NUP133: variants seen among roughly 807,000 people sequenced by gnomAD.
The protein encoded by NUP133 is nuclear pore complex protein Nup133.
In NUP133, 66 loss-of-function variants were observed where a neutral mutation model predicts 146.2. That is an observed-to-expected ratio of 0.45 (90% confidence interval 0.37 to 0.55). The LOEUF (loss-of-function observed/expected upper bound fraction) is 0.55. NUP133 is among the 20% of genes least tolerant of loss of function. NUP133 has a pLI of 0.00. For synonymous variants in NUP133, 521 were observed against 498.8 expected, an observed-to-expected ratio of 1.04 and a Z score of -0.59; for missense variants, 1,277 against 1,374.8, an observed-to-expected ratio of 0.93 and a Z score of 1.12.
chr1:229,472,318 C>CA (rs67522726), intron 14 of NUP133, among the ~76,000 whole-genome samples: 1,332 of 83,330 alleles, frequency 0.016, 16 homozygotes, highest in Admixed American at 0.056. Flanking sequence ...GACTCCGTCT[C>CA]AAAAAAAAAA....
intron 6 of NUP133, among the ~76,000 whole-genome samples, chr1:229,496,925 AGCT>A (rs1167741308): frequency 6.6e-6 from 1 of 152,272 alleles, no homozygotes; most frequent in African/African-American, 2.4e-5. Flanking sequence ...TATTATCAAT[AGCT>A]TCTGAACACA....
At chr1:229,446,012 G>T (rs1660292397) in intron 24 of NUP133, among the ~76,000 whole-genome samples, 1 of 152,132 alleles carries the variant, frequency 6.6e-6, no homozygotes, top group Non-Finnish European at 1.5e-5. Flanking sequence ...GAAAGAATTT[G>T]TTCCTTCAAC....
Position 229,466,647 on chromosome 1 carries a change from T to G in NUP133, c.2186A>C (p.Asn729Thr), listed in dbSNP as rs1225888487. 3 of 1,614,000 alleles carry G rather than the reference T, an allele frequency of 1.9e-6. No individual in the cohort carries two copies. The highest frequency in any genetic ancestry group is 2.5e-6 in the Non-Finnish European group (3 of 1,180,000). The stretch of plus-strand genomic sequence containing the variant: ...ATATTTTTGTACCTTGAGAATATTG[T>G]TCACATTGATCACCACTTCAGCCCA... ...IEWAEVVINV[N>T]NILKDMLQAA... Residue 729 changes from asparagine (N) to threonine (T), a missense_variant, in exon 16 of 26, where the codon AAC becomes ACC. Physicochemically the swap from Asn to Thr is moderately conservative, Grantham distance 65 (BLOSUM62 0). Coordinates refer to ENST00000261396, the MANE Select transcript of NUP133 (RefSeq NM_018230.3).
rs1001974310 is a variant in NUP133, at chr1:229,440,827, C to G, written c.*1077G>C. 3.9e-5 allele frequency: 6 copies of G among 152,578 alleles called. No individual in the cohort carries two copies. The highest frequency in any genetic ancestry group is 8.8e-5 in the Non-Finnish European group (6 of 68,266). 9.5% of individuals were successfully genotyped at this position (152,578 alleles called of 1,614,324 possible). The stretch of plus-strand genomic sequence containing the variant: ...ATTAACCTGCTCTTCCAAACATACT[C>G]AAGGGCTGGCCTTGCAGCCTGCGGG... On this transcript the variant is annotated 3_prime_UTR_variant, in exon 26 of 26. Coordinates refer to ENST00000261396, the MANE Select transcript of NUP133 (RefSeq NM_018230.3).
Position 229,458,339 on chromosome 1 carries a change from A to G in NUP133, c.2845-43T>C, listed in dbSNP as rs758745552. ...AACCATCGTAAGATACTGAGTACCA[A>G]TTCAAGCTGAAACAAAGGTAAGTAA... On this transcript the variant is annotated intron_variant, in intron 20 of 25. Coordinates refer to ENST00000261396, the MANE Select transcript of NUP133 (RefSeq NM_018230.3). The G allele has an allele frequency of 3.2e-6, 5 of 1,580,686 alleles. No homozygotes were observed. In the African/African-American group the frequency reaches 4.1e-5, roughly 13 times the overall value.
Position 229,498,337 on chromosome 1 carries a change from T to C in NUP133, c.649-31A>G. 4 of 1,472,334 alleles carry C rather than the reference T, an allele frequency of 2.7e-6. No homozygotes were observed. In the South Asian group the frequency reaches 5.5e-5, roughly 20 times the overall value. 91.2% of individuals were successfully genotyped at this position (1,472,334 alleles called of 1,614,324 possible). On this transcript the variant is annotated intron_variant, in intron 5 of 25. Coordinates refer to ENST00000261396, the MANE Select transcript of NUP133 (RefSeq NM_018230.3). Reference sequence around the variant, plus strand: ...AAAAAACATTATGAGGTTAGTTCAGTTTAGCATCGAATGCTAAGATAAAAT... The same window carrying C: ...AAAAAACATTATGAGGTTAGTTCAGCTTAGCATCGAATGCTAAGATAAAAT...
intron 3 of NUP133, among the ~76,000 whole-genome samples, chr1:229,501,622 CA>C (rs1485064089): frequency 6.6e-6 from 1 of 152,196 alleles, no homozygotes; most frequent in African/African-American, 2.4e-5. Context: ...TATTAAGCAT[CA>C]TTCAGTAGGT....
chr1:229,484,139 T>C lies in NUP133; in HGVS notation c.1507A>G (p.Ile503Val), dbSNP rs1661288051. ...SVAGPNSESMIFETTTKNETI... is the reference protein window; with the variant it reads ...SVAGPNSESMVFETTTKNETI... ...TCATTCTTTGTAGTGGTCTCAAAAA[T>C]CATACTCTGCAAAATAACAAAGTAT... is the stretch of plus-strand genomic sequence containing the variant. The change falls in exon 12 of 26, where the codon ATT becomes GTT. Residue 503 changes from isoleucine (I) to valine (V), a missense_variant. By Grantham distance (29) the Ile-to-Val change is conservative. Coordinates refer to ENST00000261396, the MANE Select transcript of NUP133 (RefSeq NM_018230.3). 3.1e-6 allele frequency: 5 copies of C among 1,609,838 alleles called. No individual in the cohort carries two copies. The highest frequency in any genetic ancestry group is 4.2e-6 in the Non-Finnish European group (5 of 1,176,924).
chr1:229,451,868 T>C (rs1473661511), intron 22 of NUP133, among the ~76,000 whole-genome samples: 2 of 152,224 alleles, frequency 1.3e-5, no homozygotes, highest in African/African-American at 4.8e-5. Context: ...TGATACTCAA[T>C]AGTGAGTTAC....
chr1:229,498,103 T>G (rs1177996005), intron 6 of NUP133, 33 bp downstream of exon 6: 1 of 1,464,300 alleles, frequency 6.8e-7, no homozygotes, highest in Non-Finnish European at 9.3e-7. Context: ...AACTAAGAAA[T>G]AAGCTTGTAA....
At chr1:229,454,223 C>G (rs533604995) in intron 21 of NUP133, among the ~76,000 whole-genome samples, 3 of 152,140 alleles carry the variant, frequency 2.0e-5, no homozygotes, top group African/African-American at 7.2e-5. Context: ...GCCATAAACT[C>G]TCCAGGTTGC....
At chr1:229,449,276 T>A (rs1660386801) in intron 23 of NUP133, 86 bp from the exon 24 acceptor site, 1 of 760,958 alleles carries the variant, frequency 1.3e-6, no homozygotes. Context: ...TAATACTACA[T>A]ACATAGAAGC....
chr1:229,465,388 T>C, intron 17 of NUP133, 32 bp downstream of exon 17: 3 of 1,485,038 alleles, frequency 2.0e-6, no homozygotes, highest in Non-Finnish European at 2.8e-6. Flanking sequence ...AGAAATATAT[T>C]TTGAACAACT....
At chr1:229,482,433 G>A (rs1661237501) in intron 12 of NUP133, among the ~76,000 whole-genome samples, 2 of 152,080 alleles carry the variant, frequency 1.3e-5, no homozygotes, top group African/African-American at 4.8e-5. Flanking sequence ...CGAAAAGGAA[G>A]AAACAGAAAC....
intron 6 of NUP133, among the ~76,000 whole-genome samples, chr1:229,497,397 T>C (rs543519666): frequency 6.6e-6 from 1 of 152,152 alleles, no homozygotes; most frequent in Non-Finnish European, 1.5e-5. Context: ...ATAGGAGAGA[T>C]GAAAGAACAC....
chr1:229,455,301 A>G (rs964895960), intron 21 of NUP133, among the ~76,000 whole-genome samples: 17 of 152,114 alleles, frequency 1.1e-4, no homozygotes, highest in African/African-American at 4.1e-4. Flanking sequence ...GCTCATGTCT[A>G]TAATCCCAGC....
intron 15 of NUP133, among the ~76,000 whole-genome samples, chr1:229,467,655 C>T (rs951428500): frequency 1.3e-5 from 2 of 152,060 alleles, no homozygotes; most frequent in East Asian, 1.9e-4. Flanking sequence ...ATATAATGGC[C>T]GGGTGCGGTG....
intron 10 of NUP133, among the ~76,000 whole-genome samples, chr1:229,486,903 GAAAAAAAAA>G (rs572081486): frequency 8.7e-6 from 1 of 115,126 alleles, no homozygotes; most frequent in Non-Finnish European, 1.8e-5. Flanking sequence ...ATGGGGACTG[GAAAAAAAAA>G]AAAAAAAAAA....
intron 9 of NUP133, among the ~76,000 whole-genome samples, chr1:229,488,256 T>C (rs908541067): frequency 6.6e-6 from 1 of 152,220 alleles, no homozygotes; most frequent in African/African-American, 2.4e-5. Context: ...CTAAAATTCG[T>C]TATATTAAGA....
Sources: allele counts gnomAD v4.1 joint callset (sites outside exome capture counted in the v4.1 genomes callset), GRCh38; gene constraint gnomAD v4.1.1; transcripts MANE v1.5; gene names NCBI Gene and HGNC (gene_info 2026-07-23, HGNC 2026-07-21).